The following SUGCT variants were observed in gnomAD, a reference collection of about 807,000 sequenced individuals.
The protein encoded by SUGCT is succinyl-CoA:glutarate CoA-transferase.
In SUGCT, 41 loss-of-function variants were observed where a neutral mutation model predicts 55.0. The ratio of observed to expected loss-of-function variants is 0.74; its 90% CI spans 0.58 to 0.97. SUGCT has a LOEUF of 0.97. Ranked by LOEUF, SUGCT falls within the 50% of genes least tolerant of loss-of-function variation. The probability of loss-of-function intolerance (pLI) is 0.00; values close to 1 mark genes in which losing one functional copy is unlikely to be tolerated. For synonymous variants in SUGCT, 187 were observed against 200.4 expected (o/e 0.93, Z 0.56); for missense variants, 568 against 547.8 (o/e 1.04, Z -0.37).
chr7:40,953,595 G>T, the SUGCT span, among the ~76,000 whole-genome samples: 1 of 152,108 alleles, frequency 6.6e-6, no homozygotes, highest in African/African-American at 2.4e-5. Context: ...ATCTACCTTT[G>T]GTCTTTGATG....
the SUGCT span, among the ~76,000 whole-genome samples, chr7:40,870,565 A>G: frequency 1.3e-5 from 2 of 152,228 alleles, no homozygotes; most frequent in Non-Finnish European, 2.9e-5. Flanking sequence ...GATTTCAGGG[A>G]TTAGATAGAA....
At chr7:40,447,459 G>T (rs146927333) in intron 9 of SUGCT, among the ~76,000 whole-genome samples, 2 of 152,208 alleles carry the variant, frequency 1.3e-5, no homozygotes, top group African/African-American at 4.8e-5. Flanking sequence ...AAATAATACA[G>T]AGGGTTCAAA....
At chr7:40,645,747 G>A (rs1800472988) in intron 12 of SUGCT, among the ~76,000 whole-genome samples, 1 of 152,138 alleles carries the variant, frequency 6.6e-6, no homozygotes, top group African/African-American at 2.4e-5. Flanking sequence ...TGGGATCCGA[G>A]GGTAGATCTG....
chr7:40,814,157 G>A (rs903944075), intron 13 of SUGCT, among the ~76,000 whole-genome samples: 2 of 152,070 alleles, frequency 1.3e-5, no homozygotes, highest in African/African-American at 4.8e-5. Context: ...ACCTCGGATA[G>A]CCTAGTGACT....
the SUGCT span, among the ~76,000 whole-genome samples, chr7:40,923,806 A>G: frequency 6.6e-6 from 1 of 152,134 alleles, no homozygotes; most frequent in Non-Finnish European, 1.5e-5. Context: ...CTTTAGTGTC[A>G]GTTGAGTCAT....
At chr7:40,440,279 C>A (rs1788443204) in intron 9 of SUGCT, among the ~76,000 whole-genome samples, 1 of 151,176 alleles carries the variant, frequency 6.6e-6, no homozygotes, top group Non-Finnish European at 1.5e-5. Context: ...TCTGCCTCAG[C>A]CTCCCAAGTA....
At chr7:40,232,165 A>T (rs1279121992) in intron 6 of SUGCT, among the ~76,000 whole-genome samples, 4 of 152,206 alleles carry the variant, frequency 2.6e-5, no homozygotes, top group Admixed American at 2.6e-4. Flanking sequence ...GAGCAGAAAC[A>T]GGTGGCTAAT....
chr7:40,317,325 G>T (rs1241759155), intron 9 of SUGCT, among the ~76,000 whole-genome samples: 2 of 152,128 alleles, frequency 1.3e-5, no homozygotes, highest in African/African-American at 4.8e-5. Flanking sequence ...CTCAGGAGCT[G>T]CTGTTCTTTA....
chr7:40,577,565 C>T (rs1398203528), intron 12 of SUGCT, among the ~76,000 whole-genome samples: 1 of 152,076 alleles, frequency 6.6e-6, no homozygotes, highest in Non-Finnish European at 1.5e-5. Context: ...TTGCTGAACT[C>T]AAACTGTAAA....
In SUGCT at chr7:40,852,696, T is replaced by C. The variant is rs117968752; in HGVS notation, c.1154-7620T>C. Among the ~76,000 whole-genome samples, 420 of 151,972 alleles carry C rather than the reference T, an allele frequency of 2.8e-3. 1 individual carries two copies. The highest frequency in any genetic ancestry group is 0.01 in the Middle Eastern group (3 of 294). On this transcript the variant is annotated intron_variant, in intron 13 of 13. Coordinates refer to ENST00000335693, the MANE Select transcript of SUGCT (RefSeq NM_001193313.2). Reference sequence around the variant, plus strand: ...CACTGTTCGTATTGATAGCTCAGCTTCCGACTTAGCTTAAGGATCATCTAA... The same window carrying C: ...CACTGTTCGTATTGATAGCTCAGCTCCCGACTTAGCTTAAGGATCATCTAA...
At chr7:40,393,902 T>C (rs1489913465) in intron 9 of SUGCT, among the ~76,000 whole-genome samples, 1 of 151,924 alleles carries the variant, frequency 6.6e-6, no homozygotes, top group Non-Finnish European at 1.5e-5. Context: ...ACAAAGAGAG[T>C]AGTAAGAGAT....
chr7:40,247,876 TAA>T (rs147288077), intron 7 of SUGCT, among the ~76,000 whole-genome samples: 17,558 of 152,244 alleles, frequency 0.12, 1,331 homozygotes, highest in Middle Eastern at 0.19. Flanking sequence ...AAGTTTTATT[TAA>T]GTCAAATTAG....
At chr7:40,418,085 T>A (rs1384540543) in intron 9 of SUGCT, among the ~76,000 whole-genome samples, 2 of 152,226 alleles carry the variant, frequency 1.3e-5, no homozygotes, top group African/African-American at 4.8e-5. Flanking sequence ...CATCTTTTGA[T>A]ATTTAAACAG....
At chr7:40,692,921 G>C (rs1317106251) in intron 12 of SUGCT, among the ~76,000 whole-genome samples, 1 of 152,194 alleles carries the variant, frequency 6.6e-6, no homozygotes, top group Non-Finnish European at 1.5e-5. Context: ...TGTGCTAAGT[G>C]TCAGGAAAAT....
intron 12 of SUGCT, among the ~76,000 whole-genome samples, chr7:40,614,863 C>G (rs894771525): frequency 2.0e-5 from 3 of 151,872 alleles, no homozygotes; most frequent in African/African-American, 7.3e-5. Context: ...AGTTTGAGAC[C>G]AGGCTAACAT....
At chr7:40,815,471 GTT>G (rs1791622058) in intron 13 of SUGCT, among the ~76,000 whole-genome samples, 1 of 152,108 alleles carries the variant, frequency 6.6e-6, no homozygotes, top group African/African-American at 2.4e-5. Context: ...GGCTGGGGAA[GTT>G]TAGGCCACTG....
At chr7:40,641,000 C>G (rs1446087740) in intron 12 of SUGCT, among the ~76,000 whole-genome samples, 1 of 152,124 alleles carries the variant, frequency 6.6e-6, no homozygotes, top group African/African-American at 2.4e-5. Flanking sequence ...TTTTTTGCAT[C>G]AACAGATATT....
intron 12 of SUGCT, among the ~76,000 whole-genome samples, chr7:40,727,450 A>G (rs191939540): frequency 1.5e-3 from 221 of 152,314 alleles, no homozygotes; most frequent in African/African-American, 5.1e-3. Flanking sequence ...TATTTAGTCA[A>G]GTTCCAAGGC....
intron 13 of SUGCT, among the ~76,000 whole-genome samples, chr7:40,822,624 A>T (rs1792082703): frequency 6.6e-6 from 1 of 152,138 alleles, no homozygotes; most frequent in Admixed American, 6.6e-5. Context: ...TAGGAAAGAG[A>T]AATTGCATAT....
Sources: gnomAD v4.1 joint callset for allele counts (sites outside exome capture counted in the v4.1 genomes callset) on GRCh38, gnomAD v4.1.1 for gene constraint, MANE v1.5 for transcripts, NCBI Gene and HGNC (gene_info 2026-07-23, HGNC 2026-07-21) for gene names.